SPRED1: variants seen among roughly 807,000 people sequenced by gnomAD.
SPRED1 encodes the protein sprouty related EVH1 domain containing 1.
A neutral mutation model predicts 52.3 loss-of-function variants in SPRED1; 18 were observed. The observed-to-expected ratio is 0.34, with a 90% CI of 0.24 to 0.51. The LOEUF is 0.51. Among genes scored for constraint, SPRED1 ranks in the 20% least tolerant of loss-of-function variants. The probability of loss-of-function intolerance (pLI) is 0.97; values close to 1 mark genes in which losing one functional copy is unlikely to be tolerated. For missense variants in SPRED1, 485 were observed against 551.0 expected (o/e 0.88, Z 1.20); for synonymous variants, 155 against 179.7 (o/e 0.86, Z 1.10).
rs1888513087 is a variant in SPRED1, at chr15:38,352,523, G to A, written c.*859G>A. 6.6e-6 allele frequency: 1 copy of A among 152,316 alleles called. No individual in the cohort carries two copies. The highest frequency in any genetic ancestry group is 1.5e-5 in the Non-Finnish European group (1 of 67,942). 9.4% of individuals were successfully genotyped at this position (152,316 alleles called of 1,614,324 possible). ...TTATTTTTATATAAAAAGAGACTGAGTAAACAAACATTATAGAAAAAAAGT... is the reference window on the plus strand; with the variant it reads ...TTATTTTTATATAAAAAGAGACTGAATAAACAAACATTATAGAAAAAAAGT... On this transcript the variant is annotated 3_prime_UTR_variant, in exon 7 of 7. Transcript: ENST00000299084.
chr15:38,271,558 G>A (rs1478005071), intron 1 of SPRED1, among the ~76,000 whole-genome samples: 5 of 152,312 alleles, frequency 3.3e-5, no homozygotes, highest in Admixed American at 6.5e-5. Context: ...TGTTCCAGGT[G>A]TTAGGACAGT....
chr15:38,253,164 A>G lies in SPRED1; in HGVS notation c.-22A>G. 1.9e-6 allele frequency: 3 copies of G among 1,574,040 alleles called. No individual in the cohort carries two copies. Among genetic ancestry groups the G allele is most frequent in the Middle Eastern group, 1.7e-4 (1 of 6,014 alleles). ...CCTGCTGTTGCTCCTCCATCTCCAG[A>G]TCGGATCACGGTGAGGGAAAGATGA... On this transcript the variant is annotated 5_prime_UTR_variant, in exon 1 of 7. Coordinates refer to ENST00000299084, the MANE Select transcript of SPRED1 (RefSeq NM_152594.3).
chr15:38,316,567 A>G (rs1289097759), intron 2 of SPRED1, among the ~76,000 whole-genome samples: 1 of 151,772 alleles, frequency 6.6e-6, no homozygotes, highest in Non-Finnish European at 1.5e-5. Flanking sequence ...TTCCTCCTTT[A>G]TTATTATAGT....
intron 2 of SPRED1, among the ~76,000 whole-genome samples, chr15:38,321,013 A>G (rs1178869708): frequency 2.0e-5 from 3 of 152,290 alleles, no homozygotes; most frequent in East Asian, 3.9e-4. Flanking sequence ...GGTCTATGGA[A>G]CATGGTCTAT....
intron 1 of SPRED1, among the ~76,000 whole-genome samples, chr15:38,286,981 T>A (rs1360994253): frequency 6.6e-6 from 1 of 152,184 alleles, no homozygotes; most frequent in East Asian, 1.9e-4. Flanking sequence ...TACAATCCTA[T>A]TTAGATGGTG....
At chr15:38,272,070 A>G (rs1894446755) in intron 1 of SPRED1, among the ~76,000 whole-genome samples, 1 of 152,066 alleles carries the variant, frequency 6.6e-6, no homozygotes, top group Non-Finnish European at 1.5e-5. Flanking sequence ...TGTTGCTGCA[A>G]AGGACATGAT....
chr15:38,276,186 A>T (rs1894547999), intron 1 of SPRED1, among the ~76,000 whole-genome samples: 1 of 150,858 alleles, frequency 6.6e-6, no homozygotes, highest in South Asian at 2.1e-4. Context: ...TTGCATATGT[A>T]CTAGGAGACA....
chr15:38,336,235 A>G (rs1033419594), intron 4 of SPRED1, among the ~76,000 whole-genome samples: 2 of 151,538 alleles, frequency 1.3e-5, no homozygotes, highest in African/African-American at 4.8e-5. Context: ...GTTTCTTTTT[A>G]CTATTTAAAA....
At chr15:38,301,358 A>G (rs548150944) in intron 2 of SPRED1, among the ~76,000 whole-genome samples, 17 of 152,176 alleles carry the variant, frequency 1.1e-4, no homozygotes, top group Non-Finnish European at 2.2e-4. Flanking sequence ...ATAGACTAAT[A>G]AGAAAATAGA....
chr15:38,340,995 ATTTTTT>A (rs36150872), intron 5 of SPRED1, among the ~76,000 whole-genome samples: 1 of 128,292 alleles, frequency 7.8e-6, no homozygotes, highest in Non-Finnish European at 1.6e-5. Context: ...CTGGGCCTGG[ATTTTTT>A]TTTTTTTTTT....
chr15:38,279,071 C>A (rs1045917446), intron 1 of SPRED1, among the ~76,000 whole-genome samples: 3 of 152,086 alleles, frequency 2.0e-5, no homozygotes, highest in Non-Finnish European at 4.4e-5. Flanking sequence ...CATGACCTAC[C>A]CTCCTAGGCC....
At chr15:38,274,414 T>A (rs1894504088) in intron 1 of SPRED1, among the ~76,000 whole-genome samples, 1 of 152,230 alleles carries the variant, frequency 6.6e-6, no homozygotes, top group South Asian at 2.1e-4. Flanking sequence ...AGCACCTTTA[T>A]GTGCATTATC....
chr15:38,258,202 C>A (rs1595710802), intron 1 of SPRED1, among the ~76,000 whole-genome samples: 1 of 152,020 alleles, frequency 6.6e-6, no homozygotes, highest in Admixed American at 6.6e-5. Flanking sequence ...GAAACATATT[C>A]ATTTATTAGA....
In SPRED1 at chr15:38,252,997, C is replaced by T. The variant is rs1566844259; in HGVS notation, c.-189C>T. ...GGCGGAGGTTGCTGCCGCCACCCCCCTGCGGGGGTGGCCGGGGTTCCCGGC... is the reference window on the plus strand; with the variant it reads ...GGCGGAGGTTGCTGCCGCCACCCCCTTGCGGGGGTGGCCGGGGTTCCCGGC... On this transcript the variant is annotated 5_prime_UTR_variant, in exon 1 of 7. Transcript: ENST00000299084. The T allele has an allele frequency of 1.6e-6, 1 of 623,200 alleles. No homozygotes were observed. Among genetic ancestry groups the T allele is most frequent in the Non-Finnish European group, 2.9e-6 (1 of 348,784 alleles). 38.6% of individuals were successfully genotyped at this position (623,200 alleles called of 1,614,324 possible).
At chr15:38,270,134 C>G (rs993727811) in intron 1 of SPRED1, among the ~76,000 whole-genome samples, 1 of 152,024 alleles carries the variant, frequency 6.6e-6, no homozygotes, top group Non-Finnish European at 1.5e-5. Context: ...CATGAACTCC[C>G]GACCTCAGGT....
At chr15:38,298,177 A>G (rs183029887) in intron 1 of SPRED1, among the ~76,000 whole-genome samples, 1 of 152,300 alleles carries the variant, frequency 6.6e-6, no homozygotes, top group African/African-American at 2.4e-5. Context: ...TATATACTCA[A>G]TACAATGAGT....
intron 1 of SPRED1, among the ~76,000 whole-genome samples, chr15:38,290,144 A>T (rs1005024142): frequency 2.0e-5 from 3 of 152,212 alleles, no homozygotes; most frequent in African/African-American, 7.2e-5. Context: ...ATGAACTCTC[A>T]TATTAATGTT....
intron 4 of SPRED1, among the ~76,000 whole-genome samples, chr15:38,334,323 T>TG (rs1406812083): frequency 6.6e-6 from 1 of 151,780 alleles, no homozygotes; most frequent in Non-Finnish European, 1.5e-5. Flanking sequence ...GTGGTAGAGG[T>TG]GGGGGGTGCT....
At chr15:38,263,344 T>C (rs1894240906) in intron 1 of SPRED1, among the ~76,000 whole-genome samples, 1 of 152,104 alleles carries the variant, frequency 6.6e-6, no homozygotes, top group Non-Finnish European at 1.5e-5. Flanking sequence ...TAACTATAGG[T>C]TGAGTTCTCA....
Sources: gnomAD v4.1 joint callset for allele counts (sites outside exome capture counted in the v4.1 genomes callset) on GRCh38, gnomAD v4.1.1 for gene constraint, MANE v1.5 for transcripts, NCBI Gene and HGNC (gene_info 2026-07-23, HGNC 2026-07-21) for gene names.